The following SH3TC1 variants were observed in gnomAD, a reference collection of about 807,000 sequenced individuals.
SH3TC1 encodes the protein SH3 domain and tetratricopeptide repeat-containing protein 1.
SH3TC1 carries 135 observed loss-of-function variants against 117.3 expected under a neutral mutation model. That is an observed-to-expected ratio of 1.15 (90% CI 1.00 to 1.33). The LOEUF is 1.33. Ranked by LOEUF, SH3TC1 falls within the 40% of genes most tolerant of loss-of-function variation. The pLI is 0.00. For synonymous variants in SH3TC1, 898 were observed against 816.9 expected (o/e 1.10, Z -1.69); for missense variants, 2,092 against 1,794.3 (o/e 1.17, Z -3.00).
At position 8,222,961 on chromosome 4, in the gene SH3TC1, T is replaced by TA; in HGVS notation, c.1235dup (p.Tyr412Ter). 1 of 1,611,940 alleles carries TA rather than the reference T, an allele frequency of 6.2e-7. No individual in the cohort carries two copies. ...GTCGGGCACCGATGTCTGCAGCGTG[T>TA]ACAGCCTGGGTGCGTGTGGGCGATG... is the stretch of plus-strand genomic sequence containing the variant. ...RMSGTDVCSV[Y>*]SLDSVEEAET... is the part of the protein sequence containing the mutation. Residue 412 changes from tyrosine to a stop codon, truncating the protein, a stop_gained and frameshift_variant, in exon 10 of 18, where the codon TAC becomes TAAC. Transcript: ENST00000245105. LOFTEE classifies it high-confidence loss of function.
At chr4:8,234,197 T>TCCATCCA (rs150603463) in intron 14 of SH3TC1, among the ~76,000 whole-genome samples, 1 of 144,092 alleles carries the variant, frequency 6.9e-6, no homozygotes, top group Non-Finnish European at 1.5e-5. Flanking sequence ...CATCCATTCA[T>TCCATCCA]CCATCCACCA....
chr4:8,187,502 A>G (rs1416211381), intron 1 of SH3TC1, among the ~76,000 whole-genome samples: 2 of 150,638 alleles, frequency 1.3e-5, no homozygotes, highest in Admixed American at 6.6e-5. Flanking sequence ...CAGCTATCCC[A>G]TGACTTATTT....
At chr4:8,191,847 C>T (rs1717425382) in intron 1 of SH3TC1, among the ~76,000 whole-genome samples, 1 of 152,086 alleles carries the variant, frequency 6.6e-6, no homozygotes, top group Admixed American at 6.6e-5. Context: ...GCAGAGACAG[C>T]ATTTTATACA....
At chr4:8,233,059 G>A in intron 13 of SH3TC1, 2 of 1,248,272 alleles carry the variant, frequency 1.6e-6, no homozygotes, top group East Asian at 8.5e-5. Flanking sequence ...AACACTGATG[G>A]CTCCTGGTGC....
chr4:8,228,074 C>T lies in SH3TC1; in HGVS notation c.2380C>T (p.Gln794Ter). ...CGGCCCCCTCTACACCAGCTTGGCC[C>T]AGCTGTACAGCCACCATGGCTGCCA... ...LRGPLYTSLA[Q>*]LYSHHGCHGP... Residue 794 changes from glutamine to a stop codon, truncating the protein, a stop_gained, in exon 12 of 18, where the codon CAG becomes TAG. Transcript: ENST00000245105. LOFTEE classifies it high-confidence loss of function. 2 of 1,606,582 alleles carry T rather than the reference C, an allele frequency of 1.2e-6. No individual in the cohort carries two copies. Among genetic ancestry groups the T allele is most frequent in the South Asian group, 1.1e-5 (1 of 90,262 alleles).
chr4:8,231,029 G>C (rs944320315), intron 12 of SH3TC1: 1 of 152,112 alleles, frequency 6.6e-6, no homozygotes, highest in Non-Finnish European at 1.5e-5. Flanking sequence ...CGATCCTCCC[G>C]CCTCGGCCTC....
In SH3TC1 at chr4:8,228,395, A is replaced by T. The variant is rs1207490880; in HGVS notation, c.2701A>T (p.Asn901Tyr). ...RVARDLGQQR[N>Y]QAVGLANFGA... ...GGCTCGGGACCTGGGCCAGCAAAGGAACCAGGCAGTGGGGCTGGCCAACTT... is the reference window on the plus strand; with the variant it reads ...GGCTCGGGACCTGGGCCAGCAAAGGTACCAGGCAGTGGGGCTGGCCAACTT... The change falls in exon 12 of 18, where the codon AAC (asparagine) becomes TAC (tyrosine). Residue 901 changes from asparagine to tyrosine, a missense_variant. Coordinates refer to ENST00000245105, the MANE Select transcript of SH3TC1 (RefSeq NM_018986.5). The T allele has an allele frequency of 6.2e-7, 1 of 1,610,356 alleles. No homozygotes were observed. Among genetic ancestry groups the T allele is most frequent in the East Asian group, 2.2e-5 (1 of 44,830 alleles).
At chr4:8,193,179 C>A (rs757556116) in intron 1 of SH3TC1, among the ~76,000 whole-genome samples, 11 of 152,250 alleles carry the variant, frequency 7.2e-5, no homozygotes, top group Non-Finnish European at 1.5e-4. Context: ...CTCCCCTCTT[C>A]TAGAACGACC....
intron 9 of SH3TC1, 54 bp downstream of exon 9, chr4:8,219,584 G>A: frequency 7.0e-7 from 1 of 1,429,714 alleles, no homozygotes; most frequent in Non-Finnish European, 9.2e-7. Flanking sequence ...CTCACCTAAG[G>A]GGACGTTGCT....
In SH3TC1 at chr4:8,205,390, C is replaced by T. The variant is rs200185031; in HGVS notation, c.172+24C>T. The stretch of plus-strand genomic sequence containing the variant: ...CGGTGAGTTCATTCCACCCTCACCA[C>T]CCGCCCTCCATCCCACCCACTTCTC... On this transcript the variant is annotated intron_variant, in intron 2 of 17. Coordinates refer to ENST00000245105, the MANE Select transcript of SH3TC1 (RefSeq NM_018986.5). This position sits in a 1 kb window ranked among gnomAD's most constrained non-coding sequence, Gnocchi z 5.4. 3 of 1,529,286 alleles carry T rather than the reference C, an allele frequency of 2.0e-6. No homozygotes were observed. The highest frequency in any genetic ancestry group is 2.6e-6 in the Non-Finnish European group (3 of 1,136,184). The allele number at this position is 1,529,286 out of a possible 1,614,324, so 94.7% of individuals were successfully genotyped here.
intron 2 of SH3TC1, among the ~76,000 whole-genome samples, chr4:8,208,651 C>A (rs1465722394): frequency 1.3e-5 from 2 of 152,250 alleles, no homozygotes; most frequent in African/African-American, 4.8e-5. Context: ...CTGCGCCCGG[C>A]CCATTTGAGA....
rs774343382 is a variant in SH3TC1, at chr4:8,227,600, G to A, written c.1906G>A (p.Asp636Asn). 1.8e-5 allele frequency: 28 copies of A among 1,520,394 alleles called. No homozygotes were observed. The highest frequency in any genetic ancestry group is 4.5e-5 in the Admixed American group (2 of 44,658). 94.2% of individuals were successfully genotyped at this position (1,520,394 alleles called of 1,614,324 possible). ...KAMALLLGTP[D>N]HICSTEAEGE... Reference sequence around the variant, plus strand: ...CATGGCCCTGCTCCTGGGGACGCCTGACCACATCTGCAGCACCGAGGCGGA... The same window carrying A: ...CATGGCCCTGCTCCTGGGGACGCCTAACCACATCTGCAGCACCGAGGCGGA... The change falls in exon 12 of 18, where the codon GAC becomes AAC. Residue 636 changes from aspartate to asparagine, a missense_variant. Asp to Asn is a conservative substitution (Grantham distance 23). Transcript: ENST00000245105.
At chr4:8,224,117 A>G (rs1720228147) in intron 10 of SH3TC1, among the ~76,000 whole-genome samples, 1 of 152,176 alleles carries the variant, frequency 6.6e-6, no homozygotes, top group Admixed American at 6.5e-5. Flanking sequence ...ACATACACAC[A>G]TGTGCATGCA....
intron 16 of SH3TC1, 64 bp downstream of exon 16, chr4:8,236,492 T>TTTGCCAGA: frequency 1.1e-5 from 15 of 1,414,416 alleles, no homozygotes; most frequent in Non-Finnish European, 1.3e-5. Flanking sequence ...CCTCCAGGTC[T>TTTGCCAGA]GCAGGGCAGG....
At chr4:8,217,197 C>T in intron 7 of SH3TC1, 30 bp downstream of exon 7, 1 of 1,568,516 alleles carries the variant, frequency 6.4e-7, no homozygotes, top group Non-Finnish European at 8.6e-7. Flanking sequence ...GCTCTGAGAG[C>T]TGTTGGCCTC....
At chr4:8,239,846 C>T (rs1212232023) in intron 17 of SH3TC1, among the ~76,000 whole-genome samples, 2 of 152,240 alleles carry the variant, frequency 1.3e-5, no homozygotes, top group Admixed American at 1.3e-4. Context: ...TTAGGCTCAG[C>T]CATGCACCCG....
At position 8,241,043 on chromosome 4, in the gene SH3TC1, T is replaced by C; in HGVS notation, c.*88T>C. The stretch of plus-strand genomic sequence containing the variant: ...CGCCGGTGGCTCATTTTCTGGCAAA[T>C]GGAGGCACGAACGCAGGGGCCAAAT... On this transcript the variant is annotated 3_prime_UTR_variant, in exon 18 of 18. Coordinates refer to ENST00000245105, the MANE Select transcript of SH3TC1 (RefSeq NM_018986.5). 1 of 1,547,092 alleles carries C rather than the reference T, an allele frequency of 6.5e-7. No individual in the cohort carries two copies. Among genetic ancestry groups the C allele is most frequent in the Non-Finnish European group, 8.7e-7 (1 of 1,151,160 alleles).
rs1411219110 is a variant in SH3TC1, at chr4:8,222,936, G to A, written c.1209G>A (p.Met403Ile). Residue 403 changes from methionine to isoleucine, a missense_variant, in exon 10 of 18, where the codon ATG becomes ATA. Physicochemically the swap from Met to Ile is conservative, Grantham distance 10 (BLOSUM62 1). Coordinates refer to ENST00000245105, the MANE Select transcript of SH3TC1 (RefSeq NM_018986.5). ...EEDARQLLRR[M>I]SGTDVCSVYS... ...ATGCCAGGCAGTTGCTGAGGCGGAT[G>A]TCGGGCACCGATGTCTGCAGCGTGT... 2 of 1,612,758 alleles carry A rather than the reference G, an allele frequency of 1.2e-6. No homozygotes were observed. The highest frequency in any genetic ancestry group is 2.7e-5 in the African/African-American group (2 of 74,898).
Position 8,205,464 on chromosome 4 carries a change from A to T in SH3TC1, c.172+98A>T. On this transcript the variant is annotated intron_variant, in intron 2 of 17. Transcript: ENST00000245105. The surrounding 1 kb of genome is among the most constrained non-coding windows in gnomAD (Gnocchi z 5.4). Reference sequence around the variant, plus strand: ...ATCCCTCACCACCCTGCCTGCCTCCAGGCCTCTTGGGGCTGGGGCTGGAGT... The same window carrying T: ...ATCCCTCACCACCCTGCCTGCCTCCTGGCCTCTTGGGGCTGGGGCTGGAGT... The T allele has an allele frequency of 8.0e-7, 1 of 1,256,552 alleles. No individual in the cohort carries two copies. The highest frequency in any genetic ancestry group is 1.3e-5 in the South Asian group (1 of 79,394). The allele number at this position is 1,256,552 out of a possible 1,614,324, so 77.8% of individuals were successfully genotyped here.
Sources: gnomAD v4.1 joint callset for allele counts (sites outside exome capture counted in the v4.1 genomes callset) on GRCh38, gnomAD v4.1.1 for gene constraint, Gnocchi (gnomAD v3.1) non-coding constraint, MANE v1.5 for transcripts, NCBI Gene and HGNC (gene_info 2026-07-23, HGNC 2026-07-21) for gene names.